Variants in PTAFR observed in about 807,000 individuals in gnomAD.
PTAFR encodes platelet-activating factor receptor.
PTAFR carries 8 observed loss-of-function variants against 14.7 expected under a neutral mutation model. That is an observed-to-expected ratio of 0.54 (90% CI 0.32 to 0.98). The LOEUF (loss-of-function observed/expected upper bound fraction) is 0.98. PTAFR is among the 50% of genes least tolerant of loss of function. The probability of loss-of-function intolerance (pLI) is 0.04; values close to 1 mark genes in which losing one functional copy is unlikely to be tolerated. For missense variants in PTAFR, 337 were observed against 451.2 expected (o/e 0.75, Z 2.29); for synonymous variants, 156 against 176.5 (o/e 0.88, Z 0.92).
chr1:28,159,826 CAA>C (rs374093626), intron 1 of PTAFR, among the ~76,000 whole-genome samples: 3 of 128,162 alleles, frequency 2.3e-5, no homozygotes, highest in Admixed American at 8.0e-5. Flanking sequence ...AACTCCGTCT[CAA>C]AAAAAAAAAA....
intron 1 of PTAFR, among the ~76,000 whole-genome samples, chr1:28,161,702 A>G (rs1051047312): frequency 6.6e-6 from 1 of 152,122 alleles, no homozygotes; most frequent in Admixed American, 6.6e-5. Context: ...GGTGACATAC[A>G]AACAAAACCA....
intron 1 of PTAFR, among the ~76,000 whole-genome samples, chr1:28,154,417 G>A (rs937560784): frequency 6.6e-6 from 1 of 151,994 alleles, no homozygotes; most frequent in African/African-American, 2.4e-5. Flanking sequence ...GCTATAGGGC[G>A]AACACCCAGC....
rs1646138330 is a variant in PTAFR, at chr1:28,148,275, A to C, written c.*1718T>G. The C allele has an allele frequency of 6.6e-6, 1 of 152,166 alleles. No individual in the cohort carries two copies. Among genetic ancestry groups the C allele is most frequent in the Admixed American group, 6.5e-5 (1 of 15,268 alleles). 9.4% of individuals were successfully genotyped at this position (152,166 alleles called of 1,614,324 possible). A position where few individuals can be genotyped will look rare whatever the true frequency, so the allele number is the denominator to read the frequency against. On this transcript the variant is annotated 3_prime_UTR_variant, in exon 2 of 2. Coordinates refer to ENST00000373857, the MANE Select transcript of PTAFR (RefSeq NM_000952.5). ...CTAGAGATCCCCAGGAGAAGCTGAC[A>C]CCTGGCTGACACCTGCTGACAGTAA...
intron 1 of PTAFR, among the ~76,000 whole-genome samples, chr1:28,182,370 G>C (rs1031416714): frequency 7.0e-6 from 1 of 143,032 alleles, no homozygotes; most frequent in Admixed American, 7.0e-5. Flanking sequence ...GGAAGGAAGG[G>C]AGGGAGGGAG....
chr1:28,178,903 A>T (rs1403658412), upstream of PTAFR, among the ~76,000 whole-genome samples: 1 of 152,124 alleles, frequency 6.6e-6, no homozygotes, highest in Non-Finnish European at 1.5e-5. Flanking sequence ...GGCTCAGGCC[A>T]AGCACTTTGG....
At chr1:28,164,485 G>C (rs146392412) in intron 1 of PTAFR, among the ~76,000 whole-genome samples, 214 of 152,200 alleles carry the variant, frequency 1.4e-3, no homozygotes, top group Non-Finnish European at 2.5e-3. Flanking sequence ...CATGAGGCTG[G>C]AGCCCCCCTA....
In PTAFR at chr1:28,150,889, G is replaced by T. The variant is rs1557684300; in HGVS notation, c.133C>A (p.Pro45Thr). The T allele has an allele frequency of 6.2e-7, 1 of 1,614,044 alleles. No homozygotes were observed. Among genetic ancestry groups the T allele is most frequent in the Non-Finnish European group, 8.5e-7 (1 of 1,180,010 alleles). ...YVLWVFARLY[P>T]CKKFNEIKIF... ...TTTATCTCATTGAATTTCTTGCAAGGGTACAGGCGGGCAAAGACCCACAGC... is the reference window on the plus strand; with the variant it reads ...TTTATCTCATTGAATTTCTTGCAAGTGTACAGGCGGGCAAAGACCCACAGC... The change falls in exon 2 of 2, where the codon CCT becomes ACT. Residue 45 changes from proline (P) to threonine (T), a missense_variant. By Grantham distance (38) the Pro-to-Thr change is conservative. Transcript: ENST00000373857. This position sits in a 1 kb window ranked among gnomAD's most constrained non-coding sequence, Gnocchi z 6.3.
rs141769708 is a variant in PTAFR, at chr1:28,158,448, C to T, written c.-38-7389G>A. On this transcript the variant is annotated intron_variant, in intron 1 of 1. Transcript: ENST00000373857. The stretch of plus-strand genomic sequence containing the variant: ...GGCGCGGTGGCTCACGCCTGTAATC[C>T]CAGCACTTCGGGAGGCCGAAGCGGG... Among the ~76,000 whole-genome samples the T allele has an allele frequency of 2.9e-3, 434 of 152,244 alleles. 3 individuals carry two copies. Among genetic ancestry groups the T allele is most frequent in the African/African-American group, 9.7e-3 (405 of 41,554 alleles).
chr1:28,163,409 G>A (rs1484545827), intron 1 of PTAFR, among the ~76,000 whole-genome samples: 1 of 152,218 alleles, frequency 6.6e-6, no homozygotes, highest in Non-Finnish European at 1.5e-5. Flanking sequence ...GAATGGATGA[G>A]TGGCCATGCC....
At chr1:28,168,087 T>C (rs1267765711) in intron 1 of PTAFR, among the ~76,000 whole-genome samples, 1 of 149,148 alleles carries the variant, frequency 6.7e-6, no homozygotes, top group African/African-American at 2.5e-5. Context: ...GTCTCCCGAG[T>C]AGCTGGGACT....
At chr1:28,161,165 C>T (rs756377702) in intron 1 of PTAFR, among the ~76,000 whole-genome samples, 8 of 152,200 alleles carry the variant, frequency 5.3e-5, no homozygotes, top group Non-Finnish European at 1.2e-4. Context: ...CCTGCACACC[C>T]AGCTCCACCC....
intron 1 of PTAFR, among the ~76,000 whole-genome samples, chr1:28,163,530 G>A (rs777889125): frequency 1.2e-4 from 19 of 152,326 alleles, no homozygotes; most frequent in Non-Finnish European, 2.4e-4. Flanking sequence ...GAGTCAGAAA[G>A]GTCTACAGGT....
upstream of PTAFR, among the ~76,000 whole-genome samples, chr1:28,181,484 C>T (rs1321735497): frequency 1.3e-5 from 2 of 152,202 alleles, no homozygotes; most frequent in Non-Finnish European, 2.9e-5. Context: ...CGGTGGCTCA[C>T]GCCTGTAATC....
chr1:28,155,203 C>T (rs891059486), intron 1 of PTAFR, among the ~76,000 whole-genome samples: 7 of 152,160 alleles, frequency 4.6e-5, no homozygotes, highest in East Asian at 1.9e-4. Flanking sequence ...CCTCACTCTC[C>T]GCTTTCCTTT....
chr1:28,187,266 T>C (rs1646614602), intron 1 of PTAFR, among the ~76,000 whole-genome samples: 1 of 152,168 alleles, frequency 6.6e-6, no homozygotes, highest in South Asian at 2.1e-4. Context: ...AGCTCATCTA[T>C]GGAAACTTGA....
In PTAFR at chr1:28,148,023, CA is replaced by C. The variant is rs760377190; in HGVS notation, c.*1969del. The C allele has an allele frequency of 1.0e-4, 16 of 152,384 alleles. No homozygotes were observed. The highest frequency in any genetic ancestry group is 2.2e-4 in the Non-Finnish European group (15 of 68,094). The allele number at this position is 152,384 out of a possible 1,614,324, so 9.4% of individuals were successfully genotyped here. A position where few individuals can be genotyped will look rare whatever the true frequency, so the allele number is the denominator to read the frequency against. On this transcript the variant is annotated 3_prime_UTR_variant, in exon 2 of 2. Coordinates refer to ENST00000373857, the MANE Select transcript of PTAFR (RefSeq NM_000952.5). ...ATCGAGAGGCATTTCTCAAAATCAG[CA>C]ATCCGGTGTTTGCCCGGTACACAGG...
chr1:28,152,340 G>A (rs951704269), intron 1 of PTAFR, among the ~76,000 whole-genome samples: 2 of 151,474 alleles, frequency 1.3e-5, no homozygotes, highest in Non-Finnish European at 2.9e-5. Context: ...GATGGCTTAC[G>A]CCTGTAATCC....
chr1:28,159,786 A>T (rs968441601), intron 1 of PTAFR, among the ~76,000 whole-genome samples: 5 of 151,792 alleles, frequency 3.3e-5, no homozygotes, highest in Admixed American at 2.0e-4. Context: ...AGATAGCACC[A>T]CTGCACTCCA....
At chr1:28,164,193 C>G (rs138867875) in intron 1 of PTAFR, among the ~76,000 whole-genome samples, 3 of 152,280 alleles carry the variant, frequency 2.0e-5, no homozygotes, top group African/African-American at 7.2e-5. Context: ...ATTTCCCAGG[C>G]CAGATTGTGG....
Sources: gnomAD v4.1 joint callset for allele counts (sites outside exome capture counted in the v4.1 genomes callset) on GRCh38, gnomAD v4.1.1 for gene constraint, Gnocchi (gnomAD v3.1) non-coding constraint, MANE v1.5 for transcripts, NCBI Gene and HGNC (gene_info 2026-07-23, HGNC 2026-07-21) for gene names.